The following KIRREL1 variants were observed in gnomAD, a reference collection of about 807,000 sequenced individuals.
KIRREL1 encodes kin of IRRE-like protein 1.
Under a neutral mutation model 83.3 loss-of-function variants are expected in KIRREL1, and 25 were observed. The observed-to-expected ratio is 0.30, with a 90% CI of 0.22 to 0.42. The LOEUF (loss-of-function observed/expected upper bound fraction) is 0.42. Among genes scored for constraint, KIRREL1 ranks in the 10% least tolerant of loss-of-function variants. The pLI, the probability that KIRREL1 is intolerant of heterozygous loss-of-function variation, is 1.00. For missense variants in KIRREL1, 812 were observed against 1,032.3 expected (o/e 0.79, Z 2.92); for synonymous variants, 388 against 410.4 (o/e 0.95, Z 0.66).
At chr1:158,091,588 G>T in intron 11 of KIRREL1, 32 bp downstream of exon 11, 7 of 1,605,210 alleles carry the variant, frequency 4.4e-6, no homozygotes, top group Non-Finnish European at 6.0e-6. Flanking sequence ...CAGCTGGGGT[G>T]CAGAGCAGCC....
Position 158,094,546 on chromosome 1 carries a change from A to G in KIRREL1, c.1798-98A>G. 1 of 1,254,060 alleles carries G rather than the reference A, an allele frequency of 8.0e-7. No individual in the cohort carries two copies. Among genetic ancestry groups the G allele is most frequent in the Non-Finnish European group, 1.2e-6 (1 of 866,294 alleles). 77.7% of individuals were successfully genotyped at this position (1,254,060 alleles called of 1,614,324 possible). A position where few individuals can be genotyped will look rare whatever the true frequency, so the allele number is the denominator to read the frequency against. On this transcript the variant is annotated intron_variant, in intron 14 of 14. Coordinates refer to ENST00000359209, the MANE Select transcript of KIRREL1 (RefSeq NM_018240.7). This position sits in a 1 kb window ranked among gnomAD's most constrained non-coding sequence, Gnocchi z 4.6. ...GAGGTGGAATGCTAGATGGGGACAT[A>G]GGGAGAGCTGGAGGAAGAGGCCCAG...
chr1:158,093,454 T>C lies in KIRREL1; in HGVS notation c.1579+8T>C. 1 of 1,613,226 alleles carries C rather than the reference T, an allele frequency of 6.2e-7. No individual in the cohort carries two copies. The highest frequency in any genetic ancestry group is 2.2e-5 in the East Asian group (1 of 44,878). On this transcript the variant is annotated splice_region_variant and intron_variant, in intron 12 of 14. Transcript: ENST00000359209. The stretch of plus-strand genomic sequence containing the variant: ...ACCGGCGCCGCAAAGGCAGTGAGTA[T>C]GGGCCCTGTGCAGCCCACAGCCTTC...
At chr1:158,054,794 A>G (rs1052587789) in intron 1 of KIRREL1, among the ~76,000 whole-genome samples, 1 of 152,126 alleles carries the variant, frequency 6.6e-6, no homozygotes, top group Non-Finnish European at 1.5e-5. Context: ...ATTCTGTTCA[A>G]TTCAACAAAT....
intron 1 of KIRREL1, among the ~76,000 whole-genome samples, chr1:158,070,345 C>A (rs544929716): frequency 2.0e-5 from 3 of 152,200 alleles, no homozygotes; most frequent in Non-Finnish European, 4.4e-5. Flanking sequence ...GCACCCTCAG[C>A]CTTATTTCCC....
At chr1:158,009,040 G>A (rs191672041) in intron 1 of KIRREL1, among the ~76,000 whole-genome samples, 42 of 152,206 alleles carry the variant, frequency 2.8e-4, no homozygotes, top group Admixed American at 9.8e-4. Flanking sequence ...AAGGACACCC[G>A]TCCAGATGAT....
At chr1:158,036,883 G>A (rs938273767) in intron 1 of KIRREL1, among the ~76,000 whole-genome samples, 5 of 152,202 alleles carry the variant, frequency 3.3e-5, no homozygotes, top group Admixed American at 6.5e-5. Context: ...TTAGACAGGA[G>A]TGAGGACGGC....
intron 3 of KIRREL1, among the ~76,000 whole-genome samples, chr1:158,078,368 C>T (rs1276163529): frequency 3.3e-5 from 5 of 151,864 alleles, no homozygotes; most frequent in South Asian, 4.2e-4. Flanking sequence ...TCCTCTCTGC[C>T]GCAGCCAGTG....
chr1:158,038,408 G>A (rs1165052952), intron 1 of KIRREL1, among the ~76,000 whole-genome samples: 2 of 150,834 alleles, frequency 1.3e-5, no homozygotes, highest in Non-Finnish European at 3.0e-5. Context: ...GTGAATGAGT[G>A]TTATGATGTT....
intron 3 of KIRREL1, among the ~76,000 whole-genome samples, chr1:158,084,063 G>A (rs775707806): frequency 4.4e-4 from 67 of 152,288 alleles, no homozygotes; most frequent in Non-Finnish European, 8.5e-4. Context: ...CCAGGAGGTG[G>A]AGGTTACAGT....
At chr1:158,093,841 G>T in intron 13 of KIRREL1, 79 bp downstream of exon 13, 1 of 1,512,438 alleles carries the variant, frequency 6.6e-7, no homozygotes. Context: ...TCTAATAACC[G>T]CGGTCATTCT....
rs148216647 is a variant in KIRREL1, at chr1:158,001,087, C to T, written c.52+7359C>T. On this transcript the variant is annotated intron_variant, in intron 1 of 14. Transcript: ENST00000359209. Reference sequence around the variant, plus strand: ...CCAGGAAGCTGTCCCATCCTAGGTCCGCTTCAGAATCGACTAGGCCATTGG... The same window carrying T: ...CCAGGAAGCTGTCCCATCCTAGGTCTGCTTCAGAATCGACTAGGCCATTGG... Among the ~76,000 whole-genome samples the T allele has an allele frequency of 5.0e-3, 759 of 152,304 alleles. 4 individuals carry two copies. The highest frequency in any genetic ancestry group is 7.7e-3 in the Non-Finnish European group (525 of 68,026).
intron 1 of KIRREL1, among the ~76,000 whole-genome samples, chr1:158,027,718 G>A (rs1049465179): frequency 6.6e-6 from 1 of 152,222 alleles, no homozygotes; most frequent in Non-Finnish European, 1.5e-5. Context: ...ATAATACACA[G>A]GTGTGTGGGG....
intron 1 of KIRREL1, among the ~76,000 whole-genome samples, chr1:158,002,058 A>G (rs180815115): frequency 1.4e-4 from 22 of 152,342 alleles, no homozygotes; most frequent in Admixed American, 1.4e-3. Flanking sequence ...AGGTTTGGCC[A>G]GGCAGAAGTG....
intron 1 of KIRREL1, among the ~76,000 whole-genome samples, chr1:158,056,081 T>C (rs759605513): frequency 2.0e-5 from 3 of 152,196 alleles, no homozygotes; most frequent in Non-Finnish European, 4.4e-5. Flanking sequence ...CACTGCCTGC[T>C]TCCTCCCTTC....
intron 1 of KIRREL1, among the ~76,000 whole-genome samples, chr1:158,029,379 G>GCGCA (rs1557995121): frequency 1.3e-5 from 2 of 151,206 alleles, no homozygotes; most frequent in African/African-American, 2.5e-5. Flanking sequence ...ACGTGCGCGC[G>GCGCA]CATGCACACA....
chr1:158,008,991 C>T (rs1200586686), intron 1 of KIRREL1, among the ~76,000 whole-genome samples: 1 of 152,102 alleles, frequency 6.6e-6, no homozygotes, highest in Non-Finnish European at 1.5e-5. Context: ...GCTGTCACCT[C>T]GGGGCTTTCC....
At chr1:158,068,429 A>G (rs1210459269) in intron 1 of KIRREL1, among the ~76,000 whole-genome samples, 1 of 152,158 alleles carries the variant, frequency 6.6e-6, no homozygotes, top group African/African-American at 2.4e-5. Flanking sequence ...TCAAAATTTG[A>G]CATTTTAGGA....
intron 1 of KIRREL1, among the ~76,000 whole-genome samples, chr1:158,044,817 C>T (rs939189078): frequency 2.6e-5 from 4 of 152,188 alleles, no homozygotes; most frequent in African/African-American, 7.2e-5. Flanking sequence ...AAGAAAATCT[C>T]TACCCTCATG....
chr1:158,094,316 T>TGG lies in KIRREL1; in HGVS notation c.1723_1724insGG (p.Phe575TrpfsTer8). On this transcript the variant is annotated frameshift_variant, in exon 14 of 15. Transcript: ENST00000359209. LOFTEE classifies it high-confidence loss of function. The surrounding 1 kb of genome is among the most constrained non-coding windows in gnomAD (Gnocchi z 4.6). ...TCCCACTCCTGCTGCTCCACAGTCG[T>TGG]TTAAGGATGATGTGGATCTGAAGCA... 1 of 1,604,492 alleles carries TGG rather than the reference T, an allele frequency of 6.2e-7. No individual in the cohort carries two copies. The highest frequency in any genetic ancestry group is 1.3e-5 in the African/African-American group (1 of 74,910).
Sources: gnomAD v4.1 joint callset for allele counts (sites outside exome capture counted in the v4.1 genomes callset) on GRCh38, gnomAD v4.1.1 for gene constraint, Gnocchi (gnomAD v3.1) non-coding constraint, MANE v1.5 for transcripts, NCBI Gene and HGNC (gene_info 2026-07-23, HGNC 2026-07-21) for gene names.